Variants in DIPK2B observed in about 807,000 individuals in gnomAD.
DIPK2B encodes the protein UPF0672 protein CXorf36.
Under a neutral mutation model 22.2 loss-of-function variants are expected in DIPK2B, and 15 were observed. That is an observed-to-expected ratio of 0.68 (90% CI 0.45 to 1.04). The LOEUF (loss-of-function observed/expected upper bound fraction) is 1.04, where lower values mean the gene tolerates loss of function less well. Ranked by LOEUF, DIPK2B falls within the 50% of genes least tolerant of loss-of-function variation. DIPK2B has a pLI of 0.00. For missense variants in DIPK2B, 345 were observed against 348.3 expected (o/e 0.99, Z 0.08); for synonymous variants, 163 against 153.2 (o/e 1.06, Z -0.47).
At chrX:45,155,961 CT>C (rs757375184) in intron 3 of DIPK2B, among the ~76,000 whole-genome samples, 2,402 of 55,133 alleles carry the variant, frequency 0.044, 50 homozygotes, top group Middle Eastern at 0.069. Flanking sequence ...AAGGGGACCT[CT>C]TTTTTTTTTT....
At chrX:45,168,582 G>A (rs1488897983) in intron 2 of DIPK2B, among the ~76,000 whole-genome samples, 1 of 112,295 alleles carries the variant, frequency 8.9e-6, no homozygotes, top group Non-Finnish European at 1.9e-5. Flanking sequence ...AGAGGTTCTG[G>A]GTTGAGCCCT....
At chrX:45,200,487 G>C in intron 1 of DIPK2B, 107 bp downstream of exon 1, 1 of 754,698 alleles carries the variant, frequency 1.3e-6, no homozygotes. Context: ...ATTTGTTTCA[G>C]CTCCCACCCA....
chrX:45,195,381 C>A (rs1163064635), intron 1 of DIPK2B, among the ~76,000 whole-genome samples: 2 of 111,511 alleles, frequency 1.8e-5, no homozygotes, highest in East Asian at 5.7e-4. Context: ...GTGGTCCAAT[C>A]CCCCCAAGTC....
At chrX:45,172,051 A>T (rs755582629) in intron 2 of DIPK2B, among the ~76,000 whole-genome samples, 11 of 111,820 alleles carry the variant, frequency 9.8e-5, no homozygotes, top group African/African-American at 3.3e-4. Context: ...AGGGACCATG[A>T]CTAACAGAGA....
At chrX:45,158,658 G>T (rs1435125289) in intron 2 of DIPK2B, among the ~76,000 whole-genome samples, 2 of 110,214 alleles carry the variant, frequency 1.8e-5, no homozygotes, top group Non-Finnish European at 3.8e-5. Context: ...ATAGAGTTAA[G>T]AACAAGGCCC....
At chrX:45,174,424 A>G (rs1178909269) in intron 2 of DIPK2B, among the ~76,000 whole-genome samples, 1 of 111,786 alleles carries the variant, frequency 8.9e-6, no homozygotes, top group Non-Finnish European at 1.9e-5. Flanking sequence ...GCACAGTGAC[A>G]TATATACCAC....
intron 2 of DIPK2B, among the ~76,000 whole-genome samples, chrX:45,180,475 A>G (rs1852747745): frequency 8.9e-6 from 1 of 111,945 alleles, no homozygotes; most frequent in South Asian, 3.7e-4. Context: ...TTATTTGTCA[A>G]TGTATTGGAA....
intron 2 of DIPK2B, among the ~76,000 whole-genome samples, chrX:45,167,518 AAG>A (rs1211545596): frequency 8.3e-5 from 9 of 108,090 alleles, no homozygotes; most frequent in Admixed American, 6.0e-4. Context: ...AAAAAAAAAA[AAG>A]AGGAGAAACA....
In DIPK2B at chrX:45,151,938, A is replaced by G. The variant is rs1473264250; in HGVS notation, c.1016T>C (p.Val339Ala). 9.2e-6 allele frequency: 11 copies of G among 1,198,621 alleles called. No individual in the cohort carries two copies. The highest frequency in any genetic ancestry group is 3.0e-5 in the East Asian group (1 of 33,292). ...GENKDIFSCL[V>A]SGCQAQLPSC... Reference sequence around the variant, plus strand: ...GGGCAGCTGGGCCTGGCAGCCGGAAACCAGGCAGCTAAAAATGTCTTTATT... The same window carrying G: ...GGGCAGCTGGGCCTGGCAGCCGGAAGCCAGGCAGCTAAAAATGTCTTTATT... The change falls in exon 5 of 5, where the codon GTT (valine) becomes GCT (alanine). Residue 339 changes from valine to alanine, a missense_variant. Coordinates refer to ENST00000398000, the MANE Select transcript of DIPK2B (RefSeq NM_176819.4).
intron 2 of DIPK2B, among the ~76,000 whole-genome samples, chrX:45,174,446 C>T (rs959968083): frequency 1.1e-4 from 12 of 111,208 alleles, no homozygotes; most frequent in South Asian, 3.8e-4. Context: ...AAGTTCAATG[C>T]GGGGCAGAAT....
At chrX:45,155,431 A>AATATAT (rs1556395211) in intron 3 of DIPK2B, among the ~76,000 whole-genome samples, 24 of 96,412 alleles carry the variant, frequency 2.5e-4, no homozygotes, top group African/African-American at 8.9e-4. Context: ...TCAAAAAAAA[A>AATATAT]ATATATATAT....
chrX:45,167,232 T>C (rs1377564310), intron 2 of DIPK2B, among the ~76,000 whole-genome samples: 1 of 111,616 alleles, frequency 9.0e-6, no homozygotes, highest in Non-Finnish European at 1.9e-5. Flanking sequence ...GGCTCATGCC[T>C]ATATTCCCAG....
intron 2 of DIPK2B, among the ~76,000 whole-genome samples, chrX:45,178,516 C>T (rs1019023306): frequency 4.5e-5 from 5 of 111,419 alleles, no homozygotes; most frequent in African/African-American, 1.6e-4. Flanking sequence ...CACAATTATC[C>T]TTGTGAGAAA....
intron 2 of DIPK2B, among the ~76,000 whole-genome samples, chrX:45,187,357 G>A (rs1396296266): frequency 8.9e-6 from 1 of 111,739 alleles, no homozygotes; most frequent in Non-Finnish European, 1.9e-5. Flanking sequence ...TCTGTTTGTG[G>A]GCTAGTAATT....
chrX:45,181,177 G>A (rs889193027), intron 2 of DIPK2B, among the ~76,000 whole-genome samples: 4 of 111,725 alleles, frequency 3.6e-5, no homozygotes, highest in Admixed American at 9.5e-5. Flanking sequence ...CTAGCAAAAC[G>A]TGTGCAAAAT....
Position 45,180,674 on chromosome X carries a change from A to G in DIPK2B, c.498+11077T>C, listed in dbSNP as rs146191678. Among the ~76,000 whole-genome samples, 477 of 112,000 alleles carry G rather than the reference A, an allele frequency of 4.3e-3. 4 individuals carry two copies. The highest frequency in any genetic ancestry group is 0.015 in the African/African-American group (455 of 30,846). ...GTTGGATATAGGATAAATACACAAA[A>G]ATCATTTGTACAGTAGTTCCCTCTT... On this transcript the variant is annotated intron_variant, in intron 2 of 4. Transcript: ENST00000398000.
chrX:45,157,772 A>G lies in DIPK2B; in HGVS notation c.615T>C (p.Arg205=). ...GCGTGTAGAGCAGGCGCAGCTTGTC[A>G]CGGTCGGTGAAGTGGTCCATGAAGA... The part of the protein sequence containing the change: ...GSIFMDHFTD[R]DKLRLLYTLA... The change falls in exon 3 of 5, where the codon CGT becomes CGC. Residue 205 remains arginine (R), a synonymous_variant. Transcript: ENST00000398000. 2 of 1,195,189 alleles carry G rather than the reference A, an allele frequency of 1.7e-6. No individual in the cohort carries two copies. Among genetic ancestry groups the G allele is most frequent in the Non-Finnish European group, 2.3e-6 (2 of 887,923 alleles).
Position 45,151,973 on chromosome X carries a change from C to T in DIPK2B, c.981G>A (p.Arg327=), listed in dbSNP as rs969561641. 1 of 1,174,328 alleles carries T rather than the reference C, an allele frequency of 8.5e-7. No homozygotes were observed. Among genetic ancestry groups the T allele is most frequent in the African/African-American group, 1.8e-5 (1 of 56,368 alleles). ...TAAAAATGTCTTTATTCTCTCCTGC[C>T]CTGTTGGCTTCTTGGCTGCCTAGAA... ...DKQEGSQEAN[R]AGENKDIFSC... The change falls in exon 5 of 5, where the codon AGG becomes AGA. Residue 327 remains arginine, a synonymous_variant. Transcript: ENST00000398000.
chrX:45,155,433 T>TATAG (rs2046988393), intron 3 of DIPK2B, among the ~76,000 whole-genome samples: 2 of 95,347 alleles, frequency 2.1e-5, no homozygotes, highest in South Asian at 9.9e-4. Flanking sequence ...AAAAAAAAAA[T>TATAG]ATATATATAT....
Sources: allele counts gnomAD v4.1 joint callset (sites outside exome capture counted in the v4.1 genomes callset), GRCh38; gene constraint gnomAD v4.1.1; transcripts MANE v1.5; gene names NCBI Gene and HGNC (gene_info 2026-07-23, HGNC 2026-07-21).